RPA3: variants seen among roughly 807,000 people sequenced by gnomAD.
RPA3 encodes replication protein A3.
Under a neutral mutation model 13.7 loss-of-function variants are expected in RPA3, and 24 were observed. The observed-to-expected ratio is 1.75, with a 90% CI of 1.27 to 2.46. The LOEUF (loss-of-function observed/expected upper bound fraction) is 2.46, where lower values mean the gene tolerates loss of function less well. Among genes scored for constraint, RPA3 ranks in the 30% most tolerant of loss-of-function variants. RPA3 has a pLI of 0.00. For synonymous variants in RPA3, 59 were observed against 51.2 expected (o/e 1.15, Z -0.65); for missense variants, 183 against 151.0 (o/e 1.21, Z -1.11).
At chr7:7,662,435 C>G (rs932618701) in intron 4 of RPA3, among the ~76,000 whole-genome samples, 5 of 152,160 alleles carry the variant, frequency 3.3e-5, no homozygotes, top group African/African-American at 9.7e-5. Flanking sequence ...AACCCAGGTC[C>G]GTGGTGGCAT....
chr7:7,646,301 G>C (rs1274922093), intron 4 of RPA3, among the ~76,000 whole-genome samples: 1 of 84,670 alleles, frequency 1.2e-5, no homozygotes, highest in African/African-American at 4.1e-5. Context: ...GATACGGTTT[G>C]GCTGTGCCCC....
chr7:7,669,832 C>G (rs149714135), intron 4 of RPA3, among the ~76,000 whole-genome samples: 178 of 152,260 alleles, frequency 1.2e-3, no homozygotes, highest in African/African-American at 3.9e-3. Flanking sequence ...ATTCTCAGTT[C>G]TTTTCTATAG....
At chr7:7,705,929 A>G (rs896549446) in intron 2 of RPA3, among the ~76,000 whole-genome samples, 1 of 152,102 alleles carries the variant, frequency 6.6e-6, no homozygotes, top group African/African-American at 2.4e-5. Flanking sequence ...CTTCTGTTCA[A>G]TTTTGCTATG....
In RPA3 at chr7:7,713,398, GT is replaced by G. The variant is rs796648586; in HGVS notation, c.-1028+1776del. Among the ~76,000 whole-genome samples the G allele has an allele frequency of 1.6e-3, 232 of 140,918 alleles. 2 individuals are homozygous for G. The highest frequency in any genetic ancestry group is 6.6e-3 in the South Asian group (29 of 4,362). 92.4% of individuals were successfully genotyped at this position (140,918 alleles called of 152,430 possible). On this transcript the variant is annotated intron_variant, in intron 2 of 7. Coordinates refer to ENST00000223129, the MANE Select transcript of RPA3 (RefSeq NM_002947.5). ...AAACAAATCTAAGTTTATAGACAGA[GT>G]TTTTTTTTTTTTTAAATGATATCTT...
intron 1 of RPA3, among the ~76,000 whole-genome samples, chr7:7,716,850 G>T (rs544620035): frequency 2.0e-5 from 3 of 152,108 alleles, no homozygotes; most frequent in Non-Finnish European, 4.4e-5. Context: ...GGAGCCTGAG[G>T]CAGGAGAATG....
intron 4 of RPA3, among the ~76,000 whole-genome samples, chr7:7,649,158 CAAAAAA>C (rs34943326): frequency 7.8e-6 from 1 of 128,874 alleles, no homozygotes. Context: ...GACTCCATCT[CAAAAAA>C]AAAAAAAAAA....
At chr7:7,665,647 A>G (rs1779426670) in intron 4 of RPA3, among the ~76,000 whole-genome samples, 1 of 152,138 alleles carries the variant, frequency 6.6e-6, no homozygotes, top group African/African-American at 2.4e-5. Flanking sequence ...CACTTCCAAG[A>G]GTTTCCTGCT....
intron 4 of RPA3, among the ~76,000 whole-genome samples, chr7:7,655,841 G>T (rs370283765): frequency 8.1e-5 from 12 of 148,036 alleles, no homozygotes; most frequent in African/African-American, 2.5e-4. Flanking sequence ...CTCTCTCTTT[G>T]TTTTTGTTTT....
intron 2 of RPA3, among the ~76,000 whole-genome samples, chr7:7,688,169 C>G (rs999532680): frequency 2.0e-5 from 3 of 152,152 alleles, no homozygotes; most frequent in Admixed American, 2.0e-4. Flanking sequence ...TGCATTACAT[C>G]AGATTCTCAA....
At chr7:7,670,824 C>T (rs994924726) in intron 4 of RPA3, among the ~76,000 whole-genome samples, 2 of 152,136 alleles carry the variant, frequency 1.3e-5, no homozygotes, top group African/African-American at 4.8e-5. Context: ...AGAGAACAGT[C>T]AAAAGTTGTA....
intron 2 of RPA3, among the ~76,000 whole-genome samples, chr7:7,713,471 C>T (rs1288810332): frequency 1.3e-5 from 2 of 151,600 alleles, no homozygotes; most frequent in African/African-American, 4.8e-5. Flanking sequence ...TCTGCTCCTC[C>T]CCCCCATGGC....
chr7:7,668,105 G>A (rs1045903453), intron 4 of RPA3, among the ~76,000 whole-genome samples: 9 of 151,820 alleles, frequency 5.9e-5, no homozygotes, highest in Non-Finnish European at 1.0e-4. Context: ...GTAGAGACAC[G>A]ATTTCGTCAT....
chr7:7,692,542 A>G (rs1477528654), intron 2 of RPA3: 1 of 152,184 alleles, frequency 6.6e-6, no homozygotes, highest in Non-Finnish European at 1.5e-5. Context: ...AACAAGGTAG[A>G]TCGATTCCCT....
At chr7:7,673,168 A>G (rs1405630398) in intron 4 of RPA3, 1 of 681,534 alleles carries the variant, frequency 1.5e-6, no homozygotes, top group Non-Finnish European at 2.6e-6. Flanking sequence ...TGACATCTAG[A>G]GAAGGCTCAT....
At chr7:7,637,778 GTA>G (rs952355067) in intron 7 of RPA3, 84 bp downstream of exon 7, 24 of 553,700 alleles carry the variant, frequency 4.3e-5, no homozygotes, top group African/African-American at 5.7e-5. Flanking sequence ...ATATAAAACT[GTA>G]TGTTATGTAA....
intron 4 of RPA3, among the ~76,000 whole-genome samples, chr7:7,643,436 C>T (rs936965140): frequency 7.2e-5 from 11 of 152,174 alleles, no homozygotes; most frequent in Admixed American, 6.5e-5. Flanking sequence ...CAGGGCCGGG[C>T]GCGGTGGCTC....
chr7:7,648,768 G>C (rs1381896792), intron 4 of RPA3, among the ~76,000 whole-genome samples: 2 of 152,012 alleles, frequency 1.3e-5, no homozygotes, highest in Non-Finnish European at 1.5e-5. Flanking sequence ...TGGGAGGATG[G>C]CTTGAGTTCA....
intron 4 of RPA3, among the ~76,000 whole-genome samples, chr7:7,645,436 C>G (rs1785071498): frequency 6.6e-6 from 1 of 152,184 alleles, no homozygotes. Context: ...GTTCTACATT[C>G]AATATCTAGT....
At chr7:7,669,320 TC>T (rs913913771) in intron 4 of RPA3, among the ~76,000 whole-genome samples, 22 of 152,146 alleles carry the variant, frequency 1.4e-4, no homozygotes, top group Non-Finnish European at 2.9e-5. Context: ...TTGTAGTTAT[TC>T]CCCTTCGCCT....
Sources: gnomAD v4.1 joint callset for allele counts (sites outside exome capture counted in the v4.1 genomes callset) on GRCh38, gnomAD v4.1.1 for gene constraint, MANE v1.5 for transcripts, NCBI Gene and HGNC (gene_info 2026-07-23, HGNC 2026-07-21) for gene names.